Variants in THSD4 observed in about 807,000 individuals in gnomAD.
THSD4 encodes thrombospondin type 1 domain containing 4.
Under a neutral mutation model 119.0 loss-of-function variants are expected in THSD4, and 69 were observed. The ratio of observed to expected loss-of-function variants is 0.58; its 90% CI spans 0.48 to 0.71. The LOEUF (loss-of-function observed/expected upper bound fraction) is 0.71, where lower values mean the gene tolerates loss of function less well. Among genes scored for constraint, THSD4 ranks in the 30% least tolerant of loss-of-function variants. The pLI is 0.00. For missense variants in THSD4, 1,393 were observed against 1,391.1 expected, an observed-to-expected ratio of 1.00 and a Z score of -0.02; for synonymous variants, 524 against 540.4, an observed-to-expected ratio of 0.97 and a Z score of 0.42.
intron 14 of THSD4, among the ~76,000 whole-genome samples, chr15:71,757,334 C>T (rs1335893880): frequency 3.3e-5 from 5 of 151,990 alleles, no homozygotes; most frequent in African/African-American, 1.2e-4. Flanking sequence ...ACTTAAGTCC[C>T]CCTATTTTTC....
chr15:71,449,104 G>A (rs1011770264), intron 7 of THSD4, among the ~76,000 whole-genome samples: 55 of 152,280 alleles, frequency 3.6e-4, no homozygotes, highest in Non-Finnish European at 1.6e-4. Context: ...CTGCCCCAGA[G>A]GGTCAAGGGA....
intron 8 of THSD4, among the ~76,000 whole-genome samples, chr15:71,700,853 T>G (rs550847715): frequency 1.2e-4 from 19 of 152,078 alleles, no homozygotes; most frequent in African/African-American, 4.3e-4. Flanking sequence ...TAATGTTAGA[T>G]CTCTGTGTCA....
intron 7 of THSD4, among the ~76,000 whole-genome samples, chr15:71,468,412 A>G (rs971903967): frequency 6.6e-6 from 1 of 152,174 alleles, no homozygotes; most frequent in Non-Finnish European, 1.5e-5. Context: ...TCCTTAAAAT[A>G]TTTAATATGC....
chr15:71,578,686 G>A (rs981197368), intron 7 of THSD4, among the ~76,000 whole-genome samples: 9 of 152,022 alleles, frequency 5.9e-5, no homozygotes, highest in South Asian at 2.1e-4. Flanking sequence ...CGACGAGCAG[G>A]TAAACAGCCA....
intron 3 of THSD4, among the ~76,000 whole-genome samples, chr15:71,172,700 T>TATATATATATATATATGTGAC (rs2043387264): frequency 3.0e-5 from 3 of 98,762 alleles, no homozygotes; most frequent in African/African-American, 1.1e-4. Flanking sequence ...TATATATATA[T>TATATATATATATATATGTGAC]ATATATATAT....
At chr15:71,582,441 A>G (rs1030109750) in intron 7 of THSD4, among the ~76,000 whole-genome samples, 1 of 151,948 alleles carries the variant, frequency 6.6e-6, no homozygotes, top group Non-Finnish European at 1.5e-5. Flanking sequence ...AGACAGTTTG[A>G]TTTTTTTCCT....
chr15:71,553,817 G>A (rs1354282563), intron 7 of THSD4, among the ~76,000 whole-genome samples: 2 of 152,080 alleles, frequency 1.3e-5, no homozygotes, highest in African/African-American at 2.4e-5. Flanking sequence ...CTTACATAGT[G>A]AATATATTAT....
chr15:71,774,153 A>G (rs2053871401), intron 17 of THSD4, among the ~76,000 whole-genome samples: 1 of 152,120 alleles, frequency 6.6e-6, no homozygotes, highest in South Asian at 2.1e-4. Flanking sequence ...TCTACAAAAA[A>G]TATAAAAATT....
intron 6 of THSD4, among the ~76,000 whole-genome samples, chr15:71,402,641 G>A (rs1268785058): frequency 6.6e-6 from 1 of 152,226 alleles, no homozygotes; most frequent in Non-Finnish European, 1.5e-5. Context: ...CTTTGTACCA[G>A]AGGACCAGTT....
At chr15:71,766,246 C>T (rs2053715107) in intron 16 of THSD4, among the ~76,000 whole-genome samples, 1 of 152,080 alleles carries the variant, frequency 6.6e-6, no homozygotes, top group Non-Finnish European at 1.5e-5. Flanking sequence ...AAACAGAAAA[C>T]CTCCTCACCA....
In THSD4 at chr15:71,383,647, C is replaced by A. The variant is rs147397404; in HGVS notation, c.1016-28040C>A. 2.5e-3 allele frequency among the ~76,000 whole-genome samples: 379 copies of A among 152,080 alleles called. 1 individual carries two copies. Among genetic ancestry groups the A allele is most frequent in the African/African-American group, 8.5e-3 (351 of 41,486 alleles). ...CTTTTACAAAAGGATTTCAAAATAG[C>A]CAGCTAAATGCCAGAAAAGTGTATA... On this transcript the variant is annotated intron_variant, in intron 6 of 17. Coordinates refer to ENST00000261862, the MANE Select transcript of THSD4 (RefSeq NM_024817.3).
At chr15:71,229,217 A>T (rs2044042248) in intron 4 of THSD4, among the ~76,000 whole-genome samples, 1 of 152,214 alleles carries the variant, frequency 6.6e-6, no homozygotes, top group South Asian at 2.1e-4. Context: ...CAGTTTCCTC[A>T]TCTATAAAAT....
chr15:71,642,592 C>T (rs947666097), intron 7 of THSD4, among the ~76,000 whole-genome samples: 1 of 152,156 alleles, frequency 6.6e-6, no homozygotes, highest in South Asian at 2.1e-4. Context: ...AAGTGTGGCA[C>T]ATATACACCA....
At chr15:71,773,745 C>T (rs774004844) in intron 17 of THSD4, among the ~76,000 whole-genome samples, 4 of 152,152 alleles carry the variant, frequency 2.6e-5, no homozygotes, top group East Asian at 1.9e-4. Context: ...AAAGAAGGCT[C>T]AAGTGCACAT....
At chr15:71,613,264 C>T (rs180750736) in intron 7 of THSD4, among the ~76,000 whole-genome samples, 2 of 152,212 alleles carry the variant, frequency 1.3e-5, no homozygotes, top group East Asian at 3.9e-4. Flanking sequence ...TCATAAGGCT[C>T]GCTGGCATAG....
intron 6 of THSD4, among the ~76,000 whole-genome samples, chr15:71,358,402 G>T (rs17787630): frequency 0.013 from 1,947 of 152,296 alleles, 17 homozygotes; most frequent in Middle Eastern, 0.024. Flanking sequence ...AGGACTTGGG[G>T]CAGCCATCCG....
In THSD4 at chr15:71,746,953, C is replaced by T. The variant is rs199501405; in HGVS notation, c.2152C>T (p.Arg718Cys). ...ANRSLTVQPY[R>C]CQHLEKPETT... Reference sequence around the variant, plus strand: ...CCGCAGCCTGACGGTGCAGCCCTACCGCTGCCAGCACCTGGAGAAACCTGA... The same window carrying T: ...CCGCAGCCTGACGGTGCAGCCCTACTGCTGCCAGCACCTGGAGAAACCTGA... Residue 718 changes from arginine to cysteine, a missense_variant, in exon 13 of 18, where the codon CGC becomes TGC. Coordinates refer to ENST00000261862, the MANE Select transcript of THSD4 (RefSeq NM_024817.3). The T allele has an allele frequency of 4.7e-5, 76 of 1,613,728 alleles. No homozygotes were observed. The highest frequency in any genetic ancestry group is 1.0e-4 in the Admixed American group (6 of 59,998).
chr15:71,114,170 G>A (rs942851399), upstream of THSD4, among the ~76,000 whole-genome samples: 1 of 151,850 alleles, frequency 6.6e-6, no homozygotes, highest in Admixed American at 6.6e-5. Context: ...TGCTCAAAAT[G>A]GTGTTTCTTT....
At chr15:71,212,199 TTTTG>T (rs1452137731) in intron 3 of THSD4, among the ~76,000 whole-genome samples, 2 of 152,194 alleles carry the variant, frequency 1.3e-5, no homozygotes, top group Admixed American at 6.5e-5. Context: ...TTTTCTGTGT[TTTTG>T]TTTGTTTGTT....
Sources: allele counts gnomAD v4.1 joint callset (sites outside exome capture counted in the v4.1 genomes callset), GRCh38; gene constraint gnomAD v4.1.1; transcripts MANE v1.5; gene names NCBI Gene and HGNC (gene_info 2026-07-23, HGNC 2026-07-21).